The following GUSB variants were observed in gnomAD, a reference collection of about 807,000 sequenced individuals.
GUSB encodes the protein glucuronidase beta.
Under a neutral mutation model 74.6 loss-of-function variants are expected in GUSB, and 51 were observed. The ratio of observed to expected loss-of-function variants is 0.68; its 90% CI spans 0.55 to 0.86. The LOEUF (loss-of-function observed/expected upper bound fraction) is 0.86. Ranked by LOEUF, GUSB falls within the 40% of genes least tolerant of loss-of-function variation. The pLI, the probability that GUSB is intolerant of heterozygous loss-of-function variation, is 0.00. For missense variants in GUSB, 736 were observed against 853.7 expected, an observed-to-expected ratio of 0.86 and a Z score of 1.72; for synonymous variants, 360 against 348.3, an observed-to-expected ratio of 1.03 and a Z score of -0.37.
At position 65,967,730 on chromosome 7, in the gene GUSB, C is replaced by G. The variant is rs746721071; in HGVS notation, c.1653+1G>C. The G allele has an allele frequency of 2.5e-6, 4 of 1,612,650 alleles. No homozygotes were observed. The highest frequency in any genetic ancestry group is 3.4e-6 in the Non-Finnish European group (4 of 1,179,118). ...CAAGCAGAAAGCTCAACACTGCTTA[C>G]CTGGTGAAACCCTGCAATCGTTTCT... On this transcript the variant is annotated splice_donor_variant, in intron 10 of 11. Transcript: ENST00000304895. LOFTEE classifies it high-confidence loss of function.
At chr7:65,967,930 C>T (rs527753075) in intron 9 of GUSB, 23 bp from the exon 10 acceptor site, 15 of 1,592,618 alleles carry the variant, frequency 9.4e-6, no homozygotes, top group Middle Eastern at 1.7e-4. Context: ...CAGCAGAGCC[C>T]GTTCAGCACT....
intron 10 of GUSB, among the ~76,000 whole-genome samples, chr7:65,967,017 A>T (rs1790879770): frequency 6.6e-6 from 1 of 152,230 alleles, no homozygotes. Context: ...GCAGGAGAGC[A>T]AGCGAGGGCA....
chr7:65,964,303 T>C lies in GUSB; in HGVS notation c.1789+20A>G. ...AAATGAGGACGGGTACGTTATCCCA[T>C]GAGCCAAACTGCCACTTACACTGTT... On this transcript the variant is annotated intron_variant, in intron 11 of 11. Transcript: ENST00000304895. 3 of 1,606,360 alleles carry C rather than the reference T, an allele frequency of 1.9e-6. No homozygotes were observed. Among genetic ancestry groups the C allele is most frequent in the South Asian group, 1.1e-5 (1 of 90,874 alleles).
At chr7:65,975,153 G>A (rs893527805) in intron 5 of GUSB, 82 bp from the exon 6 acceptor site, 111 of 1,229,708 alleles carry the variant, frequency 9.0e-5, no homozygotes, top group African/African-American at 1.2e-4. Flanking sequence ...AAGGCCCCTC[G>A]TGCACCCCAG....
In GUSB at chr7:65,970,302, T is replaced by G; in HGVS notation, c.1456A>C (p.Asn486His). The G allele has an allele frequency of 6.2e-7, 1 of 1,612,258 alleles. No homozygotes were observed. Among genetic ancestry groups the G allele is most frequent in the South Asian group, 1.1e-5 (1 of 91,014 alleles). ...CTCACCCCCTTGTCTGCTGCATAGT[T>G]AGAGTTGCTCACAAAGGTCACAGGC... ...SRPVTFVSNSNYAADKGAPYV... is the reference protein window; with the variant it reads ...SRPVTFVSNSHYAADKGAPYV... The change falls in exon 9 of 12, where the codon AAC becomes CAC. Residue 486 changes from asparagine to histidine, a missense_variant. Asn to His is a moderately conservative substitution (Grantham distance 68, BLOSUM62 1). Transcript: ENST00000304895.
intron 10 of GUSB, among the ~76,000 whole-genome samples, chr7:65,965,447 T>C (rs1457844754): frequency 1.3e-5 from 2 of 152,228 alleles, no homozygotes; most frequent in African/African-American, 2.4e-5. Context: ...CCTAGTCATA[T>C]ATCAAGACCT....
In GUSB at chr7:65,974,687, G is replaced by A. The variant is rs139976112; in HGVS notation, c.1083C>T (p.Phe361=). ...AGTCCTTCACCAGCAGCGGCCAGTC[G>A]AAGCCCTTCCCTCGGATCTAGGAGA... ...HEDADIRGKG[F]DWPLLVKDFN... The change falls in exon 7 of 12, where the codon TTC becomes TTT. Residue 361 remains phenylalanine, a synonymous_variant. Transcript: ENST00000304895. The A allele has an allele frequency of 1.3e-5, 21 of 1,613,234 alleles. No individual in the cohort carries two copies. Among genetic ancestry groups the A allele is most frequent in the African/African-American group, 1.2e-4 (9 of 75,014 alleles).
intron 8 of GUSB, among the ~76,000 whole-genome samples, chr7:65,972,496 C>A (rs1791281876): frequency 6.6e-6 from 1 of 152,286 alleles, no homozygotes; most frequent in South Asian, 2.1e-4. Flanking sequence ...TTCCTCTTCT[C>A]TTTCCTCAGT....
At chr7:65,981,253 G>A (rs1791996967) in intron 1 of GUSB, among the ~76,000 whole-genome samples, 1 of 123,320 alleles carries the variant, frequency 8.1e-6, no homozygotes, top group African/African-American at 3.2e-5. Flanking sequence ...TTTTGGAGAC[G>A]TAGTCTCACT....
intron 1 of GUSB, chr7:65,981,751 G>A (rs903522630): frequency 1.7e-5 from 9 of 525,760 alleles, no homozygotes; most frequent in African/African-American, 6.0e-5. Flanking sequence ...TCGGGAAAGG[G>A]CTCGGCAAGA....
chr7:65,982,171 AC>A lies in GUSB; in HGVS notation c.12del (p.Ser5ArgfsTer101). ...CCGAGCGCCGCCCAGGCAACCGCCG[AC>A]CCCCGGGCCATGCTTCCCGGTCCCC... The part of the protein sequence containing the change: MAR[G>X]SAVAWAALGP... On this transcript the variant is annotated frameshift_variant, in exon 1 of 12. Coordinates refer to ENST00000304895, the MANE Select transcript of GUSB (RefSeq NM_000181.4). LOFTEE classifies it high-confidence loss of function. 2.0e-6 allele frequency: 3 copies of A among 1,507,790 alleles called. No individual in the cohort carries two copies. The highest frequency in any genetic ancestry group is 2.0e-5 in the Admixed American group (1 of 49,112). 93.4% of individuals were successfully genotyped at this position (1,507,790 alleles called of 1,614,324 possible). A position where few individuals can be genotyped will look rare whatever the true frequency, so the allele number is the denominator to read the frequency against.
chr7:65,970,507 T>G, intron 8 of GUSB, 141 bp from the exon 9 acceptor site: 1 of 649,756 alleles, frequency 1.5e-6, no homozygotes, highest in Non-Finnish European at 2.8e-6. Context: ...ATCCCAGCAC[T>G]TTGGGAGGCC....
intron 11 of GUSB, among the ~76,000 whole-genome samples, chr7:65,962,609 A>G (rs1239977558): frequency 6.6e-6 from 1 of 152,054 alleles, no homozygotes; most frequent in Admixed American, 6.6e-5. Context: ...ATGGTGGCTC[A>G]TGCCTGTAAT....
chr7:65,980,816 T>C (rs2116048108), intron 1 of GUSB: 1 of 329,330 alleles, frequency 3.0e-6, no homozygotes, highest in Non-Finnish European at 6.0e-6. Context: ...CCCCTCCTCT[T>C]TCCCTCCTGT....
At chr7:65,969,478 C>T (rs1791058535) in intron 9 of GUSB, among the ~76,000 whole-genome samples, 1 of 151,972 alleles carries the variant, frequency 6.6e-6, no homozygotes, top group Non-Finnish European at 1.5e-5. Context: ...CAGGAGATCA[C>T]TTGAGCTCAA....
At chr7:65,965,227 G>A (rs1274149622) in intron 10 of GUSB, among the ~76,000 whole-genome samples, 1 of 151,996 alleles carries the variant, frequency 6.6e-6, no homozygotes, top group Non-Finnish European at 1.5e-5. Context: ...GCAACACAGT[G>A]AGACCCAGTC....
Position 65,974,983 on chromosome 7 carries a change from C to G in GUSB, c.1001G>C (p.Ser334Thr). ...VGIRTVAVTKSQFLINGKPFY... is the reference protein window; with the variant it reads ...VGIRTVAVTKTQFLINGKPFY... ...AGGTTTCCCATTGATGAGGAACTGG[C>G]TCTTGGTGACAGCCACAGTGCGGAT... The change falls in exon 6 of 12, where the codon AGC (serine) becomes ACC (threonine). Residue 334 changes from serine to threonine, a missense_variant. This residue lies in a region of GUSB where 368 missense variants were observed against 489.9 expected (regional missense o/e 0.75). Transcript: ENST00000304895. 6.2e-7 allele frequency: 1 copy of G among 1,613,704 alleles called. No individual in the cohort carries two copies. The highest frequency in any genetic ancestry group is 2.2e-5 in the East Asian group (1 of 44,874).
In GUSB at chr7:65,960,955, G is replaced by A. The variant is rs754474825; in HGVS notation, c.1898C>T (p.Thr633Ile). The A allele has an allele frequency of 6.2e-7, 1 of 1,613,644 alleles. No individual in the cohort carries two copies. The highest frequency in any genetic ancestry group is 8.5e-7 in the Non-Finnish European group (1 of 1,179,894). Residue 633 changes from threonine to isoleucine, a missense_variant, in exon 12 of 12, where the codon ACC (threonine) becomes ATC (isoleucine). This residue lies in a region of GUSB where 368 missense variants were observed against 489.9 expected (regional missense o/e 0.75). Coordinates refer to ENST00000304895, the MANE Select transcript of GUSB (RefSeq NM_000181.4). ...CTTGGCTACTGAGTGGGGATACCTG[G>A]TTTCATTGGCAATCTTCCAGTATCT... ...RERYWKIANETRYPHSVAKSQ... is the reference protein window; with the variant it reads ...RERYWKIANEIRYPHSVAKSQ...
chr7:65,966,246 C>T (rs1790827496), intron 10 of GUSB, among the ~76,000 whole-genome samples: 2 of 152,094 alleles, frequency 1.3e-5, no homozygotes, highest in South Asian at 4.1e-4. Flanking sequence ...AGAGCCACTT[C>T]CCCTACTTGA....
Sources: allele counts gnomAD v4.1 joint callset (sites outside exome capture counted in the v4.1 genomes callset), GRCh38; gene constraint gnomAD v4.1.1; regional missense constraint gnomAD v4.1.1; transcripts MANE v1.5; gene names NCBI Gene and HGNC (gene_info 2026-07-23, HGNC 2026-07-21).